The following NT5DC3 variants were observed in gnomAD, a reference collection of about 807,000 sequenced individuals.
NT5DC3 encodes 5'-nucleotidase domain containing 3, also known as 5'-nucleotidase domain-containing protein 3.
Under a neutral mutation model 67.8 loss-of-function variants are expected in NT5DC3, and 42 were observed. That is an observed-to-expected ratio of 0.62 (90% CI 0.48 to 0.80). The LOEUF (loss-of-function observed/expected upper bound fraction) is 0.80, where lower values mean the gene tolerates loss of function less well. Among genes scored for constraint, NT5DC3 ranks in the 30% least tolerant of loss-of-function variants. The pLI, the probability that NT5DC3 is intolerant of heterozygous loss-of-function variation, is 0.00. For synonymous variants in NT5DC3, 237 were observed against 255.6 expected, an observed-to-expected ratio of 0.93 and a Z score of 0.69; for missense variants, 570 against 696.4, an observed-to-expected ratio of 0.82 and a Z score of 2.04.
the NT5DC3 span, among the ~76,000 whole-genome samples, chr12:103,756,735 A>G: frequency 6.6e-6 from 1 of 152,068 alleles, no homozygotes; most frequent in Non-Finnish European, 1.5e-5. Flanking sequence ...GAGCATGAGT[A>G]TAGGGCTTGT....
At chr12:103,806,198 G>A (rs1886793339) in intron 4 of NT5DC3, 124 bp downstream of exon 4, 2 of 688,718 alleles carry the variant, frequency 2.9e-6, no homozygotes, top group Non-Finnish European at 5.3e-6. Context: ...TCTTGAGTAA[G>A]TGAGTGAATG....
At position 103,778,012 on chromosome 12, in the gene NT5DC3, G is replaced by A. The variant is rs137974375; in HGVS notation, c.1464C>T (p.Tyr488=). Residue 488 remains tyrosine, a synonymous_variant, in exon 14 of 14, where the codon TAC becomes TAT. Coordinates refer to ENST00000392876, the MANE Select transcript of NT5DC3 (RefSeq NM_001031701.3). ...CGAAGCGCGACAGGCGCCTTAGGAA[G>A]TAGGTTGGGTTCTGGTCTGTGCGGA... ...SLFRTDQNPT[Y]FLRRLSRFAD... The A allele has an allele frequency of 1.2e-6, 2 of 1,614,148 alleles. No homozygotes were observed. The highest frequency in any genetic ancestry group is 1.7e-6 in the Non-Finnish European group (2 of 1,180,058).
intron 1 of NT5DC3, among the ~76,000 whole-genome samples, chr12:103,815,636 G>A (rs1173999255): frequency 6.6e-6 from 1 of 151,902 alleles, no homozygotes; most frequent in East Asian, 1.9e-4. Flanking sequence ...TGCCAAGGCT[G>A]GTCTCAAACT....
intron 2 of NT5DC3, among the ~76,000 whole-genome samples, chr12:103,813,323 AAG>A (rs1437561312): frequency 6.6e-6 from 1 of 152,206 alleles, no homozygotes; most frequent in East Asian, 1.9e-4. Context: ...GTTTAGATGG[AAG>A]AGAGTAGTCC....
intron 6 of NT5DC3, among the ~76,000 whole-genome samples, 198 bp downstream of exon 6, chr12:103,796,695 CA>C (rs1166043929): frequency 6.6e-6 from 1 of 152,248 alleles, no homozygotes; most frequent in Non-Finnish European, 1.5e-5. Flanking sequence ...CTCGTTTTAA[CA>C]AAACTTTTGA....
chr12:103,804,104 G>A (rs534303469), intron 4 of NT5DC3, among the ~76,000 whole-genome samples: 1 of 152,222 alleles, frequency 6.6e-6, no homozygotes, highest in Admixed American at 6.5e-5. Flanking sequence ...CCTTATAACA[G>A]TGCCTGTCCC....
At chr12:103,752,984 TTA>T in the NT5DC3 span, among the ~76,000 whole-genome samples, 1 of 152,226 alleles carries the variant, frequency 6.6e-6, no homozygotes, top group Non-Finnish European at 1.5e-5. Flanking sequence ...TGGTTTTTGC[TTA>T]TGTTTTTACT....
chr12:103,819,233 G>A (rs916849316), intron 1 of NT5DC3, among the ~76,000 whole-genome samples: 2 of 152,216 alleles, frequency 1.3e-5, no homozygotes, highest in Admixed American at 6.5e-5. Flanking sequence ...CGAACACGAG[G>A]AGCAGCATCT....
intron 2 of NT5DC3, among the ~76,000 whole-genome samples, chr12:103,808,027 A>G (rs895036214): frequency 2.0e-5 from 3 of 152,124 alleles, no homozygotes; most frequent in African/African-American, 7.2e-5. Flanking sequence ...GGTATTTCCT[A>G]TTATCAAGCC....
chr12:103,788,038 A>G (rs1885871132), intron 10 of NT5DC3, among the ~76,000 whole-genome samples: 1 of 152,248 alleles, frequency 6.6e-6, no homozygotes, highest in Non-Finnish European at 1.5e-5. Context: ...TATACCCACC[A>G]AGAATGTATT....
intron 6 of NT5DC3, among the ~76,000 whole-genome samples, chr12:103,794,448 C>A (rs372499238): frequency 8.0e-4 from 122 of 152,252 alleles, no homozygotes; most frequent in African/African-American, 2.8e-3. Flanking sequence ...CCACACCCAG[C>A]CAATTCTGGT....
intron 11 of NT5DC3, 173 bp from the exon 12 acceptor site, chr12:103,785,648 C>A: frequency 1.3e-6 from 1 of 742,454 alleles, no homozygotes; most frequent in Non-Finnish European, 2.3e-6. Flanking sequence ...TTGGCCCCAG[C>A]CTTTGATCAT....
chr12:103,804,358 C>G (rs1308416940), intron 4 of NT5DC3, among the ~76,000 whole-genome samples: 2 of 152,148 alleles, frequency 1.3e-5, no homozygotes, highest in Admixed American at 6.5e-5. Flanking sequence ...ATGACAAGAA[C>G]TGATTCCCCA....
intron 4 of NT5DC3, among the ~76,000 whole-genome samples, chr12:103,804,758 TAA>T (rs891508764): frequency 6.6e-6 from 1 of 152,160 alleles, no homozygotes; most frequent in African/African-American, 2.4e-5. Context: ...CTACCTGGCT[TAA>T]GAGTGACCCA....
At chr12:103,782,836 A>T (rs1885611145) in intron 12 of NT5DC3, among the ~76,000 whole-genome samples, 1 of 152,174 alleles carries the variant, frequency 6.6e-6, no homozygotes, top group Non-Finnish European at 1.5e-5. Context: ...AAAATACAAA[A>T]TTAGCTGGGC....
chr12:103,816,967 C>CTTTTTTTTTTTTTTT (rs376622215), intron 1 of NT5DC3, among the ~76,000 whole-genome samples: 3 of 118,958 alleles, frequency 2.5e-5, no homozygotes, highest in Non-Finnish European at 5.2e-5. Context: ...TTTCTTTTTT[C>CTTTTTTTTTTTTTTT]TTTTTTTTTT....
intron 2 of NT5DC3, among the ~76,000 whole-genome samples, chr12:103,814,179 C>T (rs566733683): frequency 6.6e-6 from 1 of 152,328 alleles, no homozygotes; most frequent in South Asian, 2.1e-4. Flanking sequence ...TATTGCAGGG[C>T]TTGGCACAAG....
At chr12:103,758,829 C>T in the NT5DC3 span, among the ~76,000 whole-genome samples, 19 of 152,318 alleles carry the variant, frequency 1.2e-4, no homozygotes, top group African/African-American at 4.6e-4. Flanking sequence ...CCTGAGGCTC[C>T]GACAGCCCCA....
At chr12:103,787,585 C>G in intron 10 of NT5DC3, 58 bp from the exon 11 acceptor site, 1 of 976,802 alleles carries the variant, frequency 1.0e-6, no homozygotes. Context: ...GTCTAACCCA[C>G]AGTACAAAAT....
Sources: allele counts gnomAD v4.1 joint callset (sites outside exome capture counted in the v4.1 genomes callset), GRCh38; gene constraint gnomAD v4.1.1; transcripts MANE v1.5; gene names NCBI Gene and HGNC (gene_info 2026-07-23, HGNC 2026-07-21).